ZNF385B: variants seen among roughly 807,000 people sequenced by gnomAD.
The protein encoded by ZNF385B is zinc finger protein 533.
ZNF385B carries 23 observed loss-of-function variants against 39.2 expected under a neutral mutation model. That is an observed-to-expected ratio of 0.59 (90% confidence interval 0.42 to 0.83). The LOEUF is 0.83. ZNF385B is among the 40% of genes least tolerant of loss of function. The pLI is 0.00. For missense variants in ZNF385B, 552 were observed against 598.9 expected, an observed-to-expected ratio of 0.92 and a Z score of 0.82; for synonymous variants, 205 against 222.6, an observed-to-expected ratio of 0.92 and a Z score of 0.70.
At chr2:179,719,327 A>G (rs1223964271) in intron 3 of ZNF385B, among the ~76,000 whole-genome samples, 4 of 152,126 alleles carry the variant, frequency 2.6e-5, no homozygotes, top group Non-Finnish European at 5.9e-5. Flanking sequence ...GCCACCTTTA[A>G]CTTTACCTGT....
At chr2:179,757,820 A>C (rs989210216) in intron 3 of ZNF385B, among the ~76,000 whole-genome samples, 3 of 152,154 alleles carry the variant, frequency 2.0e-5, no homozygotes, top group Non-Finnish European at 4.4e-5. Flanking sequence ...AAAGCACAGT[A>C]TTAGGGTGGG....
chr2:179,565,554 C>T (rs1226259580), intron 3 of ZNF385B, among the ~76,000 whole-genome samples: 1 of 152,228 alleles, frequency 6.6e-6, no homozygotes, highest in Non-Finnish European at 1.5e-5. Context: ...ACAGGACCCA[C>T]ATCTTATTTG....
intron 3 of ZNF385B, among the ~76,000 whole-genome samples, chr2:179,733,125 A>C (rs999780435): frequency 6.6e-6 from 1 of 152,210 alleles, no homozygotes; most frequent in Non-Finnish European, 1.5e-5. Context: ...ATGCATTATC[A>C]GTTAGGCTAA....
At chr2:179,721,012 C>T (rs1700666005) in intron 3 of ZNF385B, among the ~76,000 whole-genome samples, 1 of 150,288 alleles carries the variant, frequency 6.7e-6, no homozygotes, top group Non-Finnish European at 1.5e-5. Flanking sequence ...TAAGTGATCC[C>T]CCCACTTCAG....
Position 179,639,249 on chromosome 2 carries a change from A to AAAAAAG in ZNF385B, c.299-94281_299-94280insCTTTTT, listed in dbSNP as rs71029824. 1.8e-4 allele frequency among the ~76,000 whole-genome samples: 23 copies of AAAAAAG among 128,692 alleles called. 1 individual carries two copies. Among genetic ancestry groups the AAAAAAG allele is most frequent in the African/African-American group, 5.3e-4 (19 of 35,740 alleles). 84.4% of individuals were successfully genotyped at this position (128,692 alleles called of 152,430 possible). On this transcript the variant is annotated intron_variant, in intron 3 of 9. Coordinates refer to ENST00000410066, the MANE Select transcript of ZNF385B (RefSeq NM_152520.6). ...CTCAAAAAAAAAAAAAAAAAAAAAA[A>AAAAAAG]GGGGGAGAAAGAAAAGAAAAAAATG...
chr2:179,663,713 C>CAAAAAAAAA (rs71401756), intron 3 of ZNF385B, among the ~76,000 whole-genome samples: 16 of 67,732 alleles, frequency 2.4e-4, no homozygotes, highest in Admixed American at 5.5e-4. Context: ...GACTCCGTCT[C>CAAAAAAAAA]AAAAAAAAAA....
intron 6 of ZNF385B, among the ~76,000 whole-genome samples, chr2:179,472,631 G>A (rs945407382): frequency 4.6e-5 from 7 of 152,190 alleles, no homozygotes; most frequent in Admixed American, 1.3e-4. Flanking sequence ...CCAAAAAATT[G>A]TTTACCAAGG....
chr2:179,493,662 T>TATACAC (rs2055634089), intron 5 of ZNF385B, among the ~76,000 whole-genome samples: 3 of 123,280 alleles, frequency 2.4e-5, no homozygotes, highest in South Asian at 5.1e-4. Flanking sequence ...TACATATATG[T>TATACAC]ATATGCATAT....
chr2:179,797,732 T>C (rs1251255704), intron 1 of ZNF385B, among the ~76,000 whole-genome samples: 1 of 152,188 alleles, frequency 6.6e-6, no homozygotes, highest in Non-Finnish European at 1.5e-5. Context: ...AAACCGATAG[T>C]CAGATCTAGA....
At chr2:179,680,600 A>C (rs1385174032) in intron 3 of ZNF385B, among the ~76,000 whole-genome samples, 1 of 152,182 alleles carries the variant, frequency 6.6e-6, no homozygotes, top group Non-Finnish European at 1.5e-5. Flanking sequence ...TAATTAGGAC[A>C]AACGATTAGG....
At chr2:179,480,573 C>A (rs1428954132) in intron 6 of ZNF385B, among the ~76,000 whole-genome samples, 2 of 152,300 alleles carry the variant, frequency 1.3e-5, no homozygotes, top group East Asian at 3.9e-4. Flanking sequence ...GATTTCCCAT[C>A]TGGGCAAAGC....
chr2:179,567,040 C>T (rs568029993), intron 3 of ZNF385B, among the ~76,000 whole-genome samples: 5 of 151,684 alleles, frequency 3.3e-5, no homozygotes, highest in East Asian at 1.9e-4. Flanking sequence ...TTCCGCCTCC[C>T]GAGTAGCTGA....
chr2:179,606,742 A>G (rs1171473628), intron 3 of ZNF385B, among the ~76,000 whole-genome samples: 1 of 152,208 alleles, frequency 6.6e-6, no homozygotes, highest in Non-Finnish European at 1.5e-5. Context: ...GAAATTTTGA[A>G]AAGCAGAGGA....
At chr2:179,825,869 C>CT (rs1426851716) in intron 1 of ZNF385B, among the ~76,000 whole-genome samples, 2 of 152,062 alleles carry the variant, frequency 1.3e-5, no homozygotes, top group East Asian at 3.9e-4. Flanking sequence ...ATCTGCGAAC[C>CT]CCAACTTTCT....
At chr2:179,580,330 T>C (rs1221968043) in intron 3 of ZNF385B, among the ~76,000 whole-genome samples, 1 of 152,178 alleles carries the variant, frequency 6.6e-6, no homozygotes, top group Non-Finnish European at 1.5e-5. Flanking sequence ...GCCACTAACG[T>C]AATCTTCCAC....
intron 3 of ZNF385B, among the ~76,000 whole-genome samples, chr2:179,624,468 G>T (rs905865646): frequency 2.0e-5 from 3 of 152,116 alleles, no homozygotes; most frequent in African/African-American, 7.2e-5. Context: ...TGTCTTTCTA[G>T]TTTACTGCTA....
chr2:179,681,626 T>A (rs1443170443), intron 3 of ZNF385B, among the ~76,000 whole-genome samples: 1 of 152,248 alleles, frequency 6.6e-6, no homozygotes, highest in African/African-American at 2.4e-5. Flanking sequence ...TAAAATTGCA[T>A]ACTTTTGATC....
intron 3 of ZNF385B, among the ~76,000 whole-genome samples, chr2:179,574,011 C>G (rs1685529407): frequency 2.0e-5 from 3 of 152,040 alleles, no homozygotes; most frequent in Admixed American, 1.3e-4. Flanking sequence ...AGAAGGGTAT[C>G]CTTGTGAACC....
At chr2:179,852,392 C>T (rs571001964) in intron 1 of ZNF385B, among the ~76,000 whole-genome samples, 5 of 152,256 alleles carry the variant, frequency 3.3e-5, no homozygotes, top group Admixed American at 3.3e-4. Flanking sequence ...TACGGTGAGT[C>T]ATGGAGGCAA....
Sources: allele counts gnomAD v4.1 joint callset (sites outside exome capture counted in the v4.1 genomes callset), GRCh38; gene constraint gnomAD v4.1.1; transcripts MANE v1.5; gene names NCBI Gene and HGNC (gene_info 2026-07-23, HGNC 2026-07-21).